Variants in CD28 observed in about 807,000 individuals in gnomAD.
The protein encoded by CD28 is T-cell-specific surface glycoprotein CD28.
Under a neutral mutation model 21.4 loss-of-function variants are expected in CD28, and 8 were observed. The observed-to-expected ratio is 0.37, with a 90% confidence interval of 0.22 to 0.68. The LOEUF (loss-of-function observed/expected upper bound fraction) is 0.68, where lower values mean the gene tolerates loss of function less well. Ranked by LOEUF, CD28 falls within the 30% of genes least tolerant of loss-of-function variation. The pLI is 0.55. For missense variants in CD28, 239 were observed against 272.2 expected (o/e 0.88, Z 0.86); for synonymous variants, 106 against 104.0 (o/e 1.02, Z -0.12).
upstream of CD28, chr2:203,706,574 G>T (rs201523337): frequency 1.3e-6 from 2 of 1,586,658 alleles, no homozygotes; most frequent in African/African-American, 2.7e-5. Flanking sequence ...GGATGGTGGC[G>T]GTGGTGGTGG....
intron 1 of CD28, among the ~76,000 whole-genome samples, chr2:203,724,148 T>C (rs1006922478): frequency 2.0e-5 from 3 of 152,218 alleles, no homozygotes; most frequent in Non-Finnish European, 4.4e-5. Context: ...ACATATCGTA[T>C]GATTCTACTT....
intron 3 of CD28, among the ~76,000 whole-genome samples, chr2:203,731,200 G>A (rs1319865935): frequency 6.6e-6 from 1 of 152,228 alleles, no homozygotes; most frequent in Non-Finnish European, 1.5e-5. Flanking sequence ...CAACCCTGAA[G>A]GTGGGGCTTT....
At position 203,735,001 on chromosome 2, in the gene CD28, C is replaced by A; in HGVS notation, c.*89C>A. On this transcript the variant is annotated 3_prime_UTR_variant, in exon 4 of 4. Transcript: ENST00000324106. ...GATAGGAAATGACCGCCATCTCCAG[C>A]CGGCCACCTCAGGCCCCTGTTGGGC... 6.6e-7 allele frequency: 1 copy of A among 1,509,038 alleles called. No individual in the cohort carries two copies. Among genetic ancestry groups the A allele is most frequent in the Non-Finnish European group, 8.9e-7 (1 of 1,118,196 alleles). The allele number at this position is 1,509,038 out of a possible 1,614,324, so 93.5% of individuals were successfully genotyped here.
intron 2 of CD28, among the ~76,000 whole-genome samples, chr2:203,728,597 T>C (rs926262574): frequency 7.2e-5 from 11 of 152,150 alleles, no homozygotes; most frequent in Non-Finnish European, 8.8e-5. Flanking sequence ...TCTGGCAAAA[T>C]AGAGACAATT....
intron 3 of CD28, among the ~76,000 whole-genome samples, chr2:203,733,951 T>G (rs1020813715): frequency 5.9e-5 from 9 of 152,204 alleles, no homozygotes; most frequent in Non-Finnish European, 1.3e-4. Flanking sequence ...TCAGGTATCA[T>G]GTCATTCATG....
intron 1 of CD28, among the ~76,000 whole-genome samples, chr2:203,725,293 GAAA>G (rs10712299): frequency 1.4e-5 from 2 of 142,596 alleles, no homozygotes; most frequent in Non-Finnish European, 1.5e-5. Context: ...TCCGTCTCCA[GAAA>G]AAAAAAAAAA....
rs202148802 is a variant in CD28 at position 203,737,596 on chromosome 2, T to A, written c.*2684T>A. The A allele has an allele frequency of 6.6e-6, 1 of 152,658 alleles. No individual in the cohort carries two copies. The highest frequency in any genetic ancestry group is 1.5e-5 in the Non-Finnish European group (1 of 68,038). 9.5% of individuals were successfully genotyped at this position (152,658 alleles called of 1,614,324 possible). On this transcript the variant is annotated 3_prime_UTR_variant, in exon 4 of 4. Transcript: ENST00000324106. ...GGGAAGTCCGTTTTCACTATTAGTA[T>A]GAACCAAGAAATGGTTCAAAAACAG...
At chr2:203,734,516 G>T (rs1581520428) in intron 3 of CD28, among the ~76,000 whole-genome samples, 1 of 152,222 alleles carries the variant, frequency 6.6e-6, no homozygotes, top group East Asian at 1.9e-4. Flanking sequence ...GTTAATTAGT[G>T]TGCATTTTTA....
intron 1 of CD28, among the ~76,000 whole-genome samples, chr2:203,718,074 C>T (rs113570331): frequency 6.8e-4 from 104 of 152,236 alleles, no homozygotes; most frequent in African/African-American, 2.2e-3. Flanking sequence ...ATCTTCATTG[C>T]AGCTCAGAGA....
intron 1 of CD28, among the ~76,000 whole-genome samples, chr2:203,712,778 G>A (rs1012006147): frequency 2.6e-5 from 4 of 152,218 alleles, no homozygotes; most frequent in African/African-American, 9.6e-5. Context: ...CTGGACAGTA[G>A]ACAAGATTTG....
chr2:203,731,842 T>G (rs765842223), intron 3 of CD28, among the ~76,000 whole-genome samples: 1 of 152,190 alleles, frequency 6.6e-6, no homozygotes, highest in Non-Finnish European at 1.5e-5. Flanking sequence ...TTACTTTGTC[T>G]TACAGACCCC....
intron 1 of CD28, among the ~76,000 whole-genome samples, chr2:203,720,962 T>C (rs564461890): frequency 2.0e-5 from 3 of 152,328 alleles, no homozygotes; most frequent in East Asian, 3.9e-4. Flanking sequence ...TCCTGTGAGA[T>C]AGTTTCCTAT....
chr2:203,728,844 T>C (rs1204933618), intron 2 of CD28, among the ~76,000 whole-genome samples: 1 of 152,208 alleles, frequency 6.6e-6, no homozygotes, highest in Non-Finnish European at 1.5e-5. Context: ...AGGACACCAA[T>C]GATCCTGTAC....
At position 203,734,642 on chromosome 2, in the gene CD28, C is replaced by T. The variant is rs571930068; in HGVS notation, c.535-142C>T. 1.5e-4 allele frequency: 141 copies of T among 944,726 alleles called. No individual in the cohort carries two copies. In the South Asian group the frequency reaches 2.0e-3, roughly 13 times the overall value. The allele number at this position is 944,726 out of a possible 1,614,324, so 58.5% of individuals were successfully genotyped here. On this transcript the variant is annotated intron_variant, in intron 3 of 3. Coordinates refer to ENST00000324106, the MANE Select transcript of CD28 (RefSeq NM_006139.4). ...AGTAGTTGGGTGTGATTAGTCATTA[C>T]CCAAGTCCAAGGTGCTCAAAAAAGG...
At chr2:203,728,598 A>G (rs1693810872) in intron 2 of CD28, among the ~76,000 whole-genome samples, 1 of 152,220 alleles carries the variant, frequency 6.6e-6, no homozygotes, top group Non-Finnish European at 1.5e-5. Flanking sequence ...CTGGCAAAAT[A>G]GAGACAATTA....
intron 1 of CD28, among the ~76,000 whole-genome samples, chr2:203,719,784 A>G (rs1240205457): frequency 6.6e-6 from 1 of 152,138 alleles, no homozygotes; most frequent in Non-Finnish European, 1.5e-5. Flanking sequence ...AATTAAGCCA[A>G]TGTGTTTCCC....
At chr2:203,732,140 T>C (rs939861588) in intron 3 of CD28, among the ~76,000 whole-genome samples, 20 of 152,298 alleles carry the variant, frequency 1.3e-4, no homozygotes, top group South Asian at 6.2e-4. Context: ...TGAGATCCTA[T>C]TTTTGGCTGG....
intron 1 of CD28, among the ~76,000 whole-genome samples, chr2:203,723,266 C>T (rs188594643): frequency 7.2e-5 from 11 of 152,118 alleles, no homozygotes; most frequent in Admixed American, 6.5e-4. Flanking sequence ...GCAGGCAGAT[C>T]ATCTGAGGTC....
chr2:203,724,157 T>G (rs1693680292), intron 1 of CD28, among the ~76,000 whole-genome samples: 1 of 152,124 alleles, frequency 6.6e-6, no homozygotes, highest in Non-Finnish European at 1.5e-5. Flanking sequence ...ATGATTCTAC[T>G]TATAAAAAAA....
Sources: gnomAD v4.1 joint callset for allele counts (sites outside exome capture counted in the v4.1 genomes callset) on GRCh38, gnomAD v4.1.1 for gene constraint, MANE v1.5 for transcripts, NCBI Gene and HGNC (gene_info 2026-07-23, HGNC 2026-07-21) for gene names.